The following AUTS2 variants were observed in gnomAD, a reference collection of about 807,000 sequenced individuals.
AUTS2 encodes the protein autism susceptibility gene 2 protein.
In AUTS2, 17 loss-of-function variants were observed where a neutral mutation model predicts 112.4. The observed-to-expected ratio is 0.15, with a 90% confidence interval of 0.10 to 0.23. The LOEUF is 0.23. AUTS2 is among the 10% of genes least tolerant of loss of function. The pLI is 1.00. For synonymous variants in AUTS2, 751 were observed against 702.7 expected, an observed-to-expected ratio of 1.07 and a Z score of -1.09; for missense variants, 1,510 against 1,701.6, an observed-to-expected ratio of 0.89 and a Z score of 1.98.
At chr7:69,985,855 A>C (rs1798491881) in intron 2 of AUTS2, among the ~76,000 whole-genome samples, 1 of 151,976 alleles carries the variant, frequency 6.6e-6, no homozygotes. Flanking sequence ...TCCTCGGTTC[A>C]AGTGATCCTC....
At chr7:70,170,182 C>A (rs1808598229) in intron 4 of AUTS2, among the ~76,000 whole-genome samples, 1 of 132,870 alleles carries the variant, frequency 7.5e-6, no homozygotes, top group African/African-American at 2.9e-5. Flanking sequence ...TTTTTTGAGA[C>A]AGGGTCTTAC....
At chr7:70,451,207 G>A (rs1206912132) in intron 5 of AUTS2, among the ~76,000 whole-genome samples, 1 of 151,942 alleles carries the variant, frequency 6.6e-6, no homozygotes, top group Non-Finnish European at 1.5e-5. Flanking sequence ...TAAATACTGG[G>A]GACTAGTAGA....
intron 4 of AUTS2, among the ~76,000 whole-genome samples, chr7:70,283,546 A>ATG (rs1469674992): frequency 6.6e-6 from 1 of 152,172 alleles, no homozygotes; most frequent in Admixed American, 6.5e-5. Flanking sequence ...CTTTTGTGGT[A>ATG]TGTGTATATA....
chr7:69,842,087 G>C (rs1300198087), intron 1 of AUTS2, among the ~76,000 whole-genome samples: 4 of 152,122 alleles, frequency 2.6e-5, no homozygotes, highest in African/African-American at 7.2e-5. Context: ...TTCAGGAAAA[G>C]TTTATATGTA....
intron 1 of AUTS2, among the ~76,000 whole-genome samples, chr7:69,793,089 G>A (rs1296508021): frequency 2.0e-5 from 3 of 152,162 alleles, no homozygotes; most frequent in Non-Finnish European, 4.4e-5. Context: ...GATACAAGGA[G>A]GGCTGGGCTT....
chr7:70,670,766 T>C (rs1217593635), intron 5 of AUTS2, among the ~76,000 whole-genome samples: 1 of 152,186 alleles, frequency 6.6e-6, no homozygotes. Flanking sequence ...CTTAAACTTC[T>C]GCCCCTCTTT....
chr7:70,395,313 A>C (rs1332217245), intron 4 of AUTS2, among the ~76,000 whole-genome samples: 1 of 152,184 alleles, frequency 6.6e-6, no homozygotes, highest in Non-Finnish European at 1.5e-5. Flanking sequence ...ACAAGGTGAG[A>C]GGATCGCCTC....
chr7:70,464,088 G>T (rs752486816), intron 5 of AUTS2, among the ~76,000 whole-genome samples: 1 of 152,176 alleles, frequency 6.6e-6, no homozygotes. Context: ...GCAAATGTTT[G>T]CCTCCTCCCA....
At chr7:70,363,446 G>A (rs1353315824) in intron 4 of AUTS2, among the ~76,000 whole-genome samples, 1 of 108,054 alleles carries the variant, frequency 9.3e-6, no homozygotes. Context: ...CTAAAACTTA[G>A]AGTATAATAT....
Position 70,766,557 on chromosome 7 carries a change from G to A in AUTS2, c.1689+223G>A, listed in dbSNP as rs567008162. ...TCTAGGCAGTTGTATCCAGCACTGC[G>A]GGCGGAAATGATTCCATCTGCCCTC... On this transcript the variant is annotated intron_variant, in intron 9 of 18. Transcript: ENST00000342771. This position sits in a 1 kb window ranked among gnomAD's most constrained non-coding sequence, Gnocchi z 4.8. Among the ~76,000 whole-genome samples the A allele has an allele frequency of 2.1e-4, 32 of 152,288 alleles. No homozygotes were observed. The highest frequency in any genetic ancestry group is 3.2e-4 in the Non-Finnish European group (22 of 68,020).
At chr7:69,690,944 G>A (rs966819783) in intron 1 of AUTS2, among the ~76,000 whole-genome samples, 1 of 152,166 alleles carries the variant, frequency 6.6e-6, no homozygotes, top group Non-Finnish European at 1.5e-5. Context: ...GAAGTGGGTA[G>A]CTCCCTTCCA....
intron 1 of AUTS2, among the ~76,000 whole-genome samples, chr7:69,807,098 G>A (rs1348033746): frequency 6.6e-6 from 1 of 152,114 alleles, no homozygotes; most frequent in Non-Finnish European, 1.5e-5. Context: ...TTGCACAACA[G>A]TATCATGGAA....
chr7:69,786,035 T>C (rs1789358241), intron 1 of AUTS2, among the ~76,000 whole-genome samples: 1 of 152,208 alleles, frequency 6.6e-6, no homozygotes, highest in Non-Finnish European at 1.5e-5. Flanking sequence ...TTTCATCATG[T>C]TGGCCAGGCT....
At chr7:69,768,939 G>C (rs987633931) in intron 1 of AUTS2, among the ~76,000 whole-genome samples, 4 of 152,144 alleles carry the variant, frequency 2.6e-5, no homozygotes, top group Admixed American at 2.6e-4. Context: ...GCCTTGGGGT[G>C]TCCAAACCAT....
At chr7:69,968,906 T>C (rs1175844435) in intron 2 of AUTS2, among the ~76,000 whole-genome samples, 1 of 152,190 alleles carries the variant, frequency 6.6e-6, no homozygotes, top group African/African-American at 2.4e-5. Flanking sequence ...AAATTACTCT[T>C]TCTTTACCCA....
At chr7:70,779,336 G>C (rs772902564) in intron 14 of AUTS2, among the ~76,000 whole-genome samples, 4 of 152,166 alleles carry the variant, frequency 2.6e-5, no homozygotes, top group African/African-American at 9.7e-5. Flanking sequence ...AGTGTTTATT[G>C]AAAGAGCCTA....
At chr7:70,695,266 TCGGCCGGCCGGGCTCGGCCGGAG>T (rs2129546984) in intron 5 of AUTS2, among the ~76,000 whole-genome samples, 1 of 152,130 alleles carries the variant, frequency 6.6e-6, no homozygotes, top group East Asian at 2.0e-4. Context: ...CTTTCCTCCC[TCGGCCGGCCGGGCTCGGCCGGAG>T]CTGCGCGGTC....
intron 5 of AUTS2, among the ~76,000 whole-genome samples, chr7:70,539,116 G>A (rs1360508119): frequency 6.6e-6 from 1 of 152,156 alleles, no homozygotes; most frequent in South Asian, 2.1e-4. Flanking sequence ...CTTTGGGCTG[G>A]GGGAGTTGGC....
intron 4 of AUTS2, among the ~76,000 whole-genome samples, chr7:70,267,858 A>G (rs1227189375): frequency 6.6e-6 from 1 of 152,160 alleles, no homozygotes; most frequent in Non-Finnish European, 1.5e-5. Context: ...CTAGGCAGGG[A>G]TTGCTTTTCC....
Sources: gnomAD v4.1 joint callset for allele counts (sites outside exome capture counted in the v4.1 genomes callset) on GRCh38, gnomAD v4.1.1 for gene constraint, Gnocchi (gnomAD v3.1) non-coding constraint, MANE v1.5 for transcripts, NCBI Gene and HGNC (gene_info 2026-07-23, HGNC 2026-07-21) for gene names.